PCSK5: variants seen among roughly 807,000 people sequenced by gnomAD.
PCSK5 encodes the protein proprotein convertase subtilisin/kexin type 5.
A neutral mutation model predicts 233.2 loss-of-function variants in PCSK5; 129 were observed. The observed-to-expected ratio is 0.55, with a 90% CI of 0.48 to 0.64. The LOEUF is 0.64. PCSK5 is among the 30% of genes least tolerant of loss of function. The probability of loss-of-function intolerance (pLI) is 0.00; values close to 1 mark genes in which losing one functional copy is unlikely to be tolerated. For missense variants in PCSK5, 2,076 were observed against 2,430.1 expected (o/e 0.85, Z 3.06); for synonymous variants, 825 against 879.2 (o/e 0.94, Z 1.09).
chr9:76,114,060 A>G (rs1354808863), intron 9 of PCSK5, among the ~76,000 whole-genome samples: 1 of 152,062 alleles, frequency 6.6e-6, no homozygotes, highest in Non-Finnish European at 1.5e-5. Flanking sequence ...TTCCTTTCAT[A>G]TACTCTTAGA....
intron 8 of PCSK5, 86 bp downstream of exon 8, chr9:76,096,188 TATACACACACACACAC>T (rs1587621326): frequency 3.0e-6 from 2 of 658,380 alleles, no homozygotes; most frequent in Non-Finnish European, 5.3e-6. Context: ...CATATATATA[TATACACACACACACAC>T]ACACACACAC....
chr9:76,169,923 C>A, intron 13 of PCSK5, 83 bp downstream of exon 13: 1 of 1,062,960 alleles, frequency 9.4e-7, no homozygotes, highest in Non-Finnish European at 1.4e-6. Context: ...TTCACACTCA[C>A]ATATTAGCAT....
intron 3 of PCSK5, among the ~76,000 whole-genome samples, chr9:76,021,031 A>C (rs924063435): frequency 1.3e-5 from 2 of 150,900 alleles, no homozygotes; most frequent in Non-Finnish European, 3.0e-5. Flanking sequence ...GAGGCATTTC[A>C]GAAATCTACA....
intron 7 of PCSK5, among the ~76,000 whole-genome samples, chr9:76,091,043 G>A (rs1831266985): frequency 6.6e-6 from 1 of 152,188 alleles, no homozygotes; most frequent in African/African-American, 2.4e-5. Context: ...CGGTAAGAGA[G>A]TAATGGAGAA....
intron 37 of PCSK5, among the ~76,000 whole-genome samples, chr9:76,357,090 G>C (rs1302126956): frequency 6.6e-6 from 1 of 152,130 alleles, no homozygotes; most frequent in East Asian, 1.9e-4. Flanking sequence ...TGAATAAGAA[G>C]TAAGAAAAAT....
chr9:75,910,534 A>C (rs1822678429), intron 1 of PCSK5, among the ~76,000 whole-genome samples: 1 of 151,766 alleles, frequency 6.6e-6, no homozygotes, highest in African/African-American at 2.4e-5. Context: ...ATGAGTTCAG[A>C]TAGACCTGTT....
chr9:76,185,666 A>G (rs1207883650), intron 17 of PCSK5, among the ~76,000 whole-genome samples: 2 of 152,190 alleles, frequency 1.3e-5, no homozygotes, highest in East Asian at 3.8e-4. Context: ...GTACTGAGAA[A>G]GAATTAGCCA....
chr9:75,977,826 G>T (rs1826095475), intron 2 of PCSK5, among the ~76,000 whole-genome samples: 1 of 151,846 alleles, frequency 6.6e-6, no homozygotes, highest in Admixed American at 6.6e-5. Flanking sequence ...TGGCCAGGCT[G>T]GTCTCGAGCT....
At chr9:76,007,337 ATTTTGAT>A (rs1827521007) in intron 3 of PCSK5, among the ~76,000 whole-genome samples, 1 of 152,088 alleles carries the variant, frequency 6.6e-6, no homozygotes, top group Admixed American at 6.6e-5. Context: ...CAACTGCAAT[ATTTTGAT>A]TCTCTTTTTA....
At chr9:76,177,995 G>A (rs1823693615) in intron 14 of PCSK5, among the ~76,000 whole-genome samples, 1 of 151,738 alleles carries the variant, frequency 6.6e-6, no homozygotes, top group Admixed American at 6.6e-5. Context: ...AAAATTTAGG[G>A]CCACCCATGA....
intron 34 of PCSK5, among the ~76,000 whole-genome samples, chr9:76,337,443 G>A (rs1005178580): frequency 3.3e-5 from 5 of 150,370 alleles, no homozygotes; most frequent in African/African-American, 1.2e-4. Flanking sequence ...CAAAGTGCTG[G>A]GATTACAGGT....
intron 9 of PCSK5, among the ~76,000 whole-genome samples, chr9:76,131,810 C>CT (rs1432732163): frequency 7.9e-5 from 12 of 152,028 alleles, no homozygotes; most frequent in African/African-American, 2.9e-4. Context: ...ACATTGACTT[C>CT]TTTTCTTTTT....
chr9:75,973,757 C>T (rs1825898676), intron 2 of PCSK5, among the ~76,000 whole-genome samples: 1 of 152,186 alleles, frequency 6.6e-6, no homozygotes, highest in Non-Finnish European at 1.5e-5. Context: ...TTCCTCAAGT[C>T]ACCGATGCTC....
At position 76,358,824 on chromosome 9, in the gene PCSK5, G is replaced by T; in HGVS notation, c.5566G>T (p.Asp1856Tyr). ...TGATGACATCGTCTACATGGGCCAG[G>T]ATGGCACAGTCTACCGGAAATTTAA... ...DDDDIVYMGQ[D>Y]GTVYRKFKYG... The change falls in exon 38 of 38, where the codon GAT becomes TAT. Residue 1856 changes from aspartate to tyrosine, a missense_variant. By Grantham distance (160) the Asp-to-Tyr change is radical. Around this residue, in one of 6 missense-constraint regions of PCSK5, gnomAD observed 1,510 missense variants for 1,538.1 expected, o/e 0.98. Coordinates refer to ENST00000674117, the MANE Select transcript of PCSK5 (RefSeq NM_001372043.1). 1 of 1,612,900 alleles carries T rather than the reference G, an allele frequency of 6.2e-7. No individual in the cohort carries two copies. Among genetic ancestry groups the T allele is most frequent in the Non-Finnish European group, 8.5e-7 (1 of 1,179,874 alleles).
chr9:76,100,070 G>A (rs538743324), intron 8 of PCSK5, among the ~76,000 whole-genome samples: 16 of 152,266 alleles, frequency 1.1e-4, no homozygotes, highest in South Asian at 6.2e-4. Flanking sequence ...CAAAACATAA[G>A]GAAGTCCCTG....
chr9:76,145,044 G>A (rs1823388905), intron 10 of PCSK5, among the ~76,000 whole-genome samples: 1 of 152,160 alleles, frequency 6.6e-6, no homozygotes, highest in South Asian at 2.1e-4. Context: ...AGAATCGCTT[G>A]AACCTGGGAG....
At chr9:76,226,502 G>A (rs903469055) in intron 20 of PCSK5, among the ~76,000 whole-genome samples, 2 of 152,150 alleles carry the variant, frequency 1.3e-5, no homozygotes, top group African/African-American at 2.4e-5. Flanking sequence ...AACCCTGGGC[G>A]GGTCCTGCTA....
chr9:76,232,964 G>T (rs1826141646), intron 21 of PCSK5, among the ~76,000 whole-genome samples: 1 of 152,164 alleles, frequency 6.6e-6, no homozygotes, highest in African/African-American at 2.4e-5. Flanking sequence ...CACAGGCCAG[G>T]CTTCTAAGTA....
chr9:75,996,762 GTAGTCTTGCCCTCTGGGCCCC>G (rs1179054767), intron 3 of PCSK5, among the ~76,000 whole-genome samples: 3 of 150,224 alleles, frequency 2.0e-5, no homozygotes, highest in African/African-American at 7.3e-5. Context: ...AAATGTGTGA[GTAGTCTTGCCCTCTGGGCCCC>G]TCTCTGCCAT....
Sources: allele counts gnomAD v4.1 joint callset (sites outside exome capture counted in the v4.1 genomes callset), GRCh38; gene constraint gnomAD v4.1.1; regional missense constraint gnomAD v4.1.1; transcripts MANE v1.5; gene names NCBI Gene and HGNC (gene_info 2026-07-23, HGNC 2026-07-21).